NCAN: variants seen among roughly 807,000 people sequenced by gnomAD.
NCAN encodes the protein neurocan core protein.
Under a neutral mutation model 121.8 loss-of-function variants are expected in NCAN, and 47 were observed. The observed-to-expected ratio is 0.39, with a 90% CI of 0.31 to 0.49. The LOEUF (loss-of-function observed/expected upper bound fraction) is 0.49. Ranked by LOEUF, NCAN falls within the 20% of genes least tolerant of loss-of-function variation. The probability of loss-of-function intolerance (pLI) is 0.92; values close to 1 mark genes in which losing one functional copy is unlikely to be tolerated. For missense variants in NCAN, 1,517 were observed against 1,773.4 expected (o/e 0.86, Z 2.60); for synonymous variants, 633 against 702.0 (o/e 0.90, Z 1.55).
rs1461328631 is a variant in NCAN at position 19,227,364 on chromosome 19, G to A, written c.1744G>A (p.Ala582Thr). 3 of 1,613,332 alleles carry A rather than the reference G, an allele frequency of 1.9e-6. No individual in the cohort carries two copies. The highest frequency in any genetic ancestry group is 1.7e-5 in the Admixed American group (1 of 59,976). The change falls in exon 8 of 15, where the codon GCC (alanine) becomes ACC (threonine). Residue 582 changes from alanine to threonine, a missense_variant. Transcript: ENST00000252575. This position sits in a 1 kb window ranked among gnomAD's most constrained non-coding sequence, Gnocchi z 4.2. ...VPPSISGHSRAPVLELEKAEG... is the reference protein window; with the variant it reads ...VPPSISGHSRTPVLELEKAEG... ...ACCCAGCATCTCAGGCCACAGCAGG[G>A]CCCCTGTCCTGGAGCTAGAGAAAGC...
In NCAN at chr19:19,227,824, C is replaced by T; in HGVS notation, c.2204C>T (p.Ala735Val). 1.9e-6 allele frequency: 3 copies of T among 1,613,658 alleles called. No homozygotes were observed. The South Asian group carries it at 3.3e-5, about 18-fold the overall frequency. ...TGGCCTTCTGTAAACAGGAATGTGG[C>T]TGTAGGTTTTGTCCCCACTGAGACT... ...SPWPSVNRNV[A>V]VGFVPTETAT... The change falls in exon 8 of 15, where the codon GCT becomes GTT. Residue 735 changes from alanine (A) to valine (V), a missense_variant. Ala to Val is a moderately conservative substitution (Grantham distance 64). Transcript: ENST00000252575. The surrounding 1 kb of genome is among the most constrained non-coding windows in gnomAD (Gnocchi z 4.2).
intron 1 of NCAN, 23 bp from the exon 2 acceptor site, chr19:19,216,924 C>G: frequency 7.7e-7 from 1 of 1,300,276 alleles, no homozygotes; most frequent in Non-Finnish European, 9.9e-7. Flanking sequence ...CTCACCCCTC[C>G]CTCCCTCTCC....
At chr19:19,245,513 T>C (rs2060921195) in intron 13 of NCAN, 56 bp downstream of exon 13, 3 of 1,583,082 alleles carry the variant, frequency 1.9e-6, no homozygotes, top group Non-Finnish European at 2.6e-6. Flanking sequence ...ACTGGTTCTC[T>C]GTTGCCCAGG....
In NCAN at chr19:19,228,185, A is replaced by G. The variant is rs1199197668; in HGVS notation, c.2565A>G (p.Glu855=). The change falls in exon 8 of 15, where the codon GAA becomes GAG. Residue 855 remains glutamate, a synonymous_variant. Coordinates refer to ENST00000252575, the MANE Select transcript of NCAN (RefSeq NM_004386.3). ...GATCCCAGGTGTTTGAAGAAGCCGA[A>G]AGCACCACCTTGAGCCCTCAGGTGG... ...EPGSQVFEEA[E]STTLSPQVAL... 1 of 1,613,898 alleles carries G rather than the reference A, an allele frequency of 6.2e-7. No individual in the cohort carries two copies. The highest frequency in any genetic ancestry group is 1.7e-5 in the Admixed American group (1 of 60,016).
Position 19,249,798 on chromosome 19 carries a change from C to T in NCAN, c.3853C>T (p.His1285Tyr). 1.2e-6 allele frequency: 2 copies of T among 1,610,972 alleles called. No homozygotes were observed. The highest frequency in any genetic ancestry group is 1.7e-5 in the Admixed American group (1 of 59,244). The stretch of plus-strand genomic sequence containing the variant: ...TTCACATCGGATGCGGCGACACCAC[C>T]ACCACCACCAACACCACCACCAGCA... ...RRSHRMRRHH[H>Y]HHQHHHQHHH... The change falls in exon 15 of 15, where the codon CAC becomes TAC. Residue 1285 changes from histidine (H) to tyrosine (Y), a missense_variant. By Grantham distance (83) the His-to-Tyr change is moderately conservative. Coordinates refer to ENST00000252575, the MANE Select transcript of NCAN (RefSeq NM_004386.3).
chr19:19,217,888 G>A (rs1008974203), intron 2 of NCAN, among the ~76,000 whole-genome samples: 1 of 152,148 alleles, frequency 6.6e-6, no homozygotes, highest in Non-Finnish European at 1.5e-5. Flanking sequence ...TCGGGAGGCT[G>A]AGGCATGAGA....
chr19:19,241,933 G>A (rs565868101), intron 12 of NCAN, among the ~76,000 whole-genome samples: 4 of 152,186 alleles, frequency 2.6e-5, no homozygotes, highest in East Asian at 1.9e-4. Context: ...AGTGGCTCAC[G>A]CCTATGATCC....
intron 3 of NCAN, 91 bp from the exon 4 acceptor site, chr19:19,223,930 G>A: frequency 7.6e-7 from 1 of 1,321,066 alleles, no homozygotes; most frequent in Non-Finnish European, 1.0e-6. Flanking sequence ...TTATCAGACA[G>A]GGGTGGGGAG....
chr19:19,226,781 C>T lies in NCAN; in HGVS notation c.1368C>T (p.Ser456=), dbSNP rs201578464. The change falls in exon 7 of 15, where the codon AGC becomes AGT. Residue 456 remains serine, a synonymous_variant. Transcript: ENST00000252575. ...VWLSTVAPSP[S]DMGAGTAASS... ...TAAGCACGGTGGCCCCCAGCCCTAG[C>T]GACATGGGGGCAGGCACTGCAGCAA... 927 of 1,613,396 alleles carry T rather than the reference C, an allele frequency of 5.7e-4. No homozygotes were observed. Among genetic ancestry groups the T allele is most frequent in the Non-Finnish European group, 7.1e-4 (833 of 1,179,958 alleles).
intron 3 of NCAN, 126 bp downstream of exon 3, chr19:19,219,442 C>A: frequency 9.3e-7 from 1 of 1,077,940 alleles, no homozygotes; most frequent in Non-Finnish European, 1.3e-6. Flanking sequence ...TGCCTGTAAT[C>A]CCAGCACTTT....
rs1488761351 is a variant in NCAN, at chr19:19,227,798, A to G, written c.2178A>G (p.Pro726=). 7 of 1,613,538 alleles carry G rather than the reference A, an allele frequency of 4.3e-6. No homozygotes were observed. The highest frequency in any genetic ancestry group is 1.7e-5 in the Admixed American group (1 of 59,988). ...AAGCTGAGCACTCCAGCTCCAGCCC[A>G]TGGCCTTCTGTAAACAGGAATGTGG... is the stretch of plus-strand genomic sequence containing the variant. ...VNKAEHSSSS[P]WPSVNRNVAV... The change falls in exon 8 of 15, where the codon CCA becomes CCG. Residue 726 remains proline, a synonymous_variant. Transcript: ENST00000252575. The surrounding 1 kb of genome is among the most constrained non-coding windows in gnomAD (Gnocchi z 4.2).
intron 3 of NCAN, among the ~76,000 whole-genome samples, chr19:19,220,944 A>G (rs1414508105): frequency 6.6e-6 from 1 of 151,092 alleles, no homozygotes; most frequent in Non-Finnish European, 1.5e-5. Flanking sequence ...AAAAACAAAA[A>G]ACGGGGATGG....
intron 10 of NCAN, 107 bp from the exon 11 acceptor site, chr19:19,238,146 G>A (rs1001620747): frequency 1.7e-5 from 25 of 1,458,960 alleles, no homozygotes; most frequent in East Asian, 2.3e-5. Context: ...ATTTCGCCCC[G>A]CAGTGACCTT....
At position 19,249,856 on chromosome 19, in the gene NCAN, AAC is replaced by A. The variant is rs912235325; in HGVS notation, c.3915_3916del (p.His1305GlnfsTer62). On this transcript the variant is annotated frameshift_variant, in exon 15 of 15. Coordinates refer to ENST00000252575, the MANE Select transcript of NCAN (RefSeq NM_004386.3). LOFTEE classifies it high-confidence loss of function. Reference sequence around the variant, plus strand: ...CACAAATCCCGCAAGGAGCGCAGAAAACACAAGAAACACCCAACGGAGGACTG... The same window carrying A: ...CACAAATCCCGCAAGGAGCGCAGAAAACAAGAAACACCCAACGGAGGACTG... 1 of 1,614,110 alleles carries A rather than the reference AAC, an allele frequency of 6.2e-7. No homozygotes were observed. Among genetic ancestry groups the A allele is most frequent in the Admixed American group, 1.7e-5 (1 of 59,986 alleles).
In NCAN at chr19:19,245,328, C is replaced by T; in HGVS notation, c.3508C>T (p.Arg1170Ter). 1 of 1,614,022 alleles carries T rather than the reference C, an allele frequency of 6.2e-7. No homozygotes were observed. Among genetic ancestry groups the T allele is most frequent in the Non-Finnish European group, 8.5e-7 (1 of 1,179,942 alleles). The change falls in exon 13 of 15, where the codon CGA becomes TGA. Residue 1170 changes from arginine to a stop codon, truncating the protein, a stop_gained. Coordinates refer to ENST00000252575, the MANE Select transcript of NCAN (RefSeq NM_004386.3). LOFTEE classifies it high-confidence loss of function. Reference sequence around the variant, plus strand: ...ATTCCTGCAGCAATTTGAGAACTGGCGAGAGAACCAGCCGGACAATTTCTT... The same window carrying T: ...ATTCCTGCAGCAATTTGAGAACTGGTGAGAGAACCAGCCGGACAATTTCTT... The part of the protein sequence containing the change: ...DNTGLQFENW[R>*]ENQPDNFFAG...
intron 11 of NCAN, 47 bp downstream of exon 11, chr19:19,238,458 G>A: frequency 6.2e-7 from 1 of 1,611,534 alleles, no homozygotes; most frequent in Non-Finnish European, 8.5e-7. Flanking sequence ...GTGGGCAGGG[G>A]TGGCACTTGT....
At chr19:19,231,330 CTT>C (rs560601760) in intron 8 of NCAN, among the ~76,000 whole-genome samples, 57 of 134,666 alleles carry the variant, frequency 4.2e-4, no homozygotes, top group Non-Finnish European at 2.6e-4. Flanking sequence ...CATGGGGTTT[CTT>C]TTTTTTTTTT....
intron 8 of NCAN, among the ~76,000 whole-genome samples, chr19:19,232,015 G>T (rs1407252316): frequency 6.6e-6 from 1 of 152,006 alleles, no homozygotes; most frequent in Non-Finnish European, 1.5e-5. Context: ...GTGGTGAGGA[G>T]AGAAGAGACG....
chr19:19,225,184 C>A lies in NCAN; in HGVS notation c.986C>A (p.Ala329Asp). 1 of 1,549,050 alleles carries A rather than the reference C, an allele frequency of 6.5e-7. No individual in the cohort carries two copies. Among genetic ancestry groups the A allele is most frequent in the Admixed American group, 1.9e-5 (1 of 52,632 alleles). ...QTPRRRCGGP[A>D]PGVRTVYRFA... ...CCGCGCCGGCGCTGCGGGGGCCCAG[C>A]CCCGGGCGTGCGCACCGTCTACCGC... The change falls in exon 6 of 15, where the codon GCC becomes GAC. Residue 329 changes from alanine to aspartate, a missense_variant. Ala to Asp is a moderately radical substitution (Grantham distance 126, BLOSUM62 -2). Coordinates refer to ENST00000252575, the MANE Select transcript of NCAN (RefSeq NM_004386.3). The surrounding 1 kb of genome is among the most constrained non-coding windows in gnomAD (Gnocchi z 4.0).
Sources: allele counts gnomAD v4.1 joint callset (sites outside exome capture counted in the v4.1 genomes callset), GRCh38; gene constraint gnomAD v4.1.1; non-coding constraint Gnocchi (gnomAD v3.1); transcripts MANE v1.5; gene names NCBI Gene and HGNC (gene_info 2026-07-23, HGNC 2026-07-21).